UBE2E2: variants seen among roughly 807,000 people sequenced by gnomAD.
UBE2E2 encodes ubiquitin-conjugating enzyme E2 E2.
Under a neutral mutation model 24.7 loss-of-function variants are expected in UBE2E2, and 6 were observed. The ratio of observed to expected loss-of-function variants is 0.24; its 90% CI spans 0.13 to 0.48. UBE2E2 has a LOEUF of 0.48. Among genes scored for constraint, UBE2E2 ranks in the 20% least tolerant of loss-of-function variants. UBE2E2 has a pLI of 0.99. For synonymous variants in UBE2E2, 104 were observed against 83.6 expected, an observed-to-expected ratio of 1.24 and a Z score of -1.33; for missense variants, 169 against 245.0, an observed-to-expected ratio of 0.69 and a Z score of 2.07.
At chr3:23,212,147 G>C (rs1696344125) in intron 2 of UBE2E2, among the ~76,000 whole-genome samples, 1 of 152,074 alleles carries the variant, frequency 6.6e-6, no homozygotes, top group Admixed American at 6.6e-5. Flanking sequence ...AATCTCATTT[G>C]TGATATTATA....
chr3:23,258,660 G>T (rs1052880438), intron 3 of UBE2E2, among the ~76,000 whole-genome samples: 1 of 152,204 alleles, frequency 6.6e-6, no homozygotes. Flanking sequence ...TTGGGAGGCC[G>T]AGGCGGGCAG....
intron 3 of UBE2E2, chr3:23,449,764 A>T: frequency 1.6e-6 from 1 of 625,098 alleles, no homozygotes; most frequent in Non-Finnish European, 2.0e-6. Flanking sequence ...GTTTTGAATT[A>T]ACTAAATAAT....
chr3:23,353,442 A>G (rs1018424025), intron 3 of UBE2E2, among the ~76,000 whole-genome samples: 1 of 152,196 alleles, frequency 6.6e-6, no homozygotes, highest in African/African-American at 2.4e-5. Context: ...GAGGAAGTCA[A>G]ATTGTCCCTG....
intron 3 of UBE2E2, among the ~76,000 whole-genome samples, chr3:23,297,132 C>A (rs1016812695): frequency 6.6e-6 from 1 of 152,154 alleles, no homozygotes; most frequent in African/African-American, 2.4e-5. Flanking sequence ...TGTTCATATC[C>A]TTCACCCACT....
chr3:23,578,009 GA>G (rs58612058), intron 5 of UBE2E2, among the ~76,000 whole-genome samples: 212 of 103,220 alleles, frequency 2.1e-3, no homozygotes, highest in Middle Eastern at 0.015. Context: ...CTACCTCTCA[GA>G]AAAAAAAAAA....
At chr3:23,458,543 G>A (rs1218792631) in intron 3 of UBE2E2, among the ~76,000 whole-genome samples, 1 of 151,948 alleles carries the variant, frequency 6.6e-6, no homozygotes, top group East Asian at 1.9e-4. Flanking sequence ...TCAGCCTCCC[G>A]AGTAGCTGGG....
chr3:23,493,414 A>G (rs2125451074), intron 3 of UBE2E2, among the ~76,000 whole-genome samples: 1 of 152,334 alleles, frequency 6.6e-6, no homozygotes. Context: ...ATTTCTCCTG[A>G]AGCAGCAACC....
intron 5 of UBE2E2, among the ~76,000 whole-genome samples, chr3:23,557,380 A>G (rs1184171852): frequency 6.6e-6 from 1 of 152,124 alleles, no homozygotes; most frequent in Non-Finnish European, 1.5e-5. Flanking sequence ...CAGCTTGTTT[A>G]TTCCAGTTTA....
At chr3:23,369,913 G>A (rs1696360204) in intron 3 of UBE2E2, among the ~76,000 whole-genome samples, 1 of 152,050 alleles carries the variant, frequency 6.6e-6, no homozygotes, top group Admixed American at 6.6e-5. Flanking sequence ...GAAATTTTAG[G>A]TAAATTTTGT....
chr3:23,363,779 C>T (rs1349099381), intron 3 of UBE2E2, among the ~76,000 whole-genome samples: 5 of 152,100 alleles, frequency 3.3e-5, no homozygotes, highest in Admixed American at 3.3e-4. Flanking sequence ...CAGAGCTCAA[C>T]ATTTGACCAA....
intron 3 of UBE2E2, among the ~76,000 whole-genome samples, chr3:23,472,437 G>A (rs1057330827): frequency 5.9e-5 from 9 of 152,148 alleles, no homozygotes; most frequent in Non-Finnish European, 1.0e-4. Context: ...ACAAGGGGTA[G>A]CAGAAATACA....
chr3:23,568,512 A>G (rs1575713438), intron 5 of UBE2E2, among the ~76,000 whole-genome samples: 1 of 151,590 alleles, frequency 6.6e-6, no homozygotes, highest in East Asian at 1.9e-4. Flanking sequence ...AGAACATCAG[A>G]AAAATACTCC....
chr3:23,463,241 G>A lies in UBE2E2; in HGVS notation c.228-36367G>A, dbSNP rs1406167150. 3.9e-5 allele frequency among the ~76,000 whole-genome samples: 6 copies of A among 152,078 alleles called. No homozygotes were observed. In the East Asian group the frequency reaches 1.2e-3, roughly 29 times the overall value. ...AGGGTGTTAAAAGAAAAAAAAAGAT[G>A]ATAACTAAACCAAACAACAATAAGG... On this transcript the variant is annotated intron_variant, in intron 3 of 5. Transcript: ENST00000396703.
chr3:23,556,453 T>TAAAAAAAAA (rs1321819270), intron 5 of UBE2E2, among the ~76,000 whole-genome samples: 23 of 68,974 alleles, frequency 3.3e-4, no homozygotes, highest in African/African-American at 4.6e-4. Context: ...TAAAATTTAT[T>TAAAAAAAAA]TAAAAAAAAA....
rs73821295 is a variant in UBE2E2, at chr3:23,216,822, T to C, written c.177-440T>C. ...TCCAGGAAGGAATACCATATGCATC[T>C]TGATGGCAGTTTCAGGTGTTGGAAT... On this transcript the variant is annotated intron_variant, in intron 2 of 5. Transcript: ENST00000396703. Among the ~76,000 whole-genome samples, 769 of 152,238 alleles carry C rather than the reference T, an allele frequency of 5.1e-3. 8 individuals are homozygous for C. Among genetic ancestry groups the C allele is most frequent in the African/African-American group, 0.018 (736 of 41,558 alleles).
At chr3:23,350,901 C>T (rs562686424) in intron 3 of UBE2E2, among the ~76,000 whole-genome samples, 97 of 152,234 alleles carry the variant, frequency 6.4e-4, no homozygotes, top group African/African-American at 2.2e-3. Context: ...CAAAGATACT[C>T]CTCGAGAAGA....
intron 3 of UBE2E2, among the ~76,000 whole-genome samples, chr3:23,466,586 G>C (rs1698923896): frequency 1.3e-5 from 2 of 151,374 alleles, no homozygotes; most frequent in African/African-American, 4.9e-5. Flanking sequence ...TTTTGTTTTT[G>C]AGACAGAGTC....
rs543980295 is a variant in UBE2E2 at position 23,294,254 on chromosome 3, T to C, written c.227+76942T>C. ...ATAACAAAGATAGATAAAAAGCAAT[T>C]CTCACCTAGCCATAATAATAAATCA... is the stretch of plus-strand genomic sequence containing the variant. On this transcript the variant is annotated intron_variant, in intron 3 of 5. Coordinates refer to ENST00000396703, the MANE Select transcript of UBE2E2 (RefSeq NM_152653.4). 3.7e-4 allele frequency among the ~76,000 whole-genome samples: 57 copies of C among 152,302 alleles called. 1 individual carries two copies. The highest frequency in any genetic ancestry group is 2.4e-3 in the Admixed American group (37 of 15,290).
At chr3:23,580,962 TC>T (rs1696463231) in intron 5 of UBE2E2, among the ~76,000 whole-genome samples, 2 of 152,354 alleles carry the variant, frequency 1.3e-5, no homozygotes, top group South Asian at 2.1e-4. Context: ...TCACGTAACT[TC>T]CTATCTAACG....
Sources: allele counts gnomAD v4.1 joint callset (sites outside exome capture counted in the v4.1 genomes callset), GRCh38; gene constraint gnomAD v4.1.1; transcripts MANE v1.5; gene names NCBI Gene and HGNC (gene_info 2026-07-23, HGNC 2026-07-21).